The following SLC35F3 variants were observed in gnomAD, a reference collection of about 807,000 sequenced individuals.
SLC35F3 encodes the protein solute carrier family 35 member F3, also known as putative thiamine transporter SLC35F3.
SLC35F3 carries 25 observed loss-of-function variants against 49.9 expected under a neutral mutation model. The ratio of observed to expected loss-of-function variants is 0.50; its 90% confidence interval spans 0.37 to 0.70. The LOEUF (loss-of-function observed/expected upper bound fraction) is 0.70. Among genes scored for constraint, SLC35F3 ranks in the 30% least tolerant of loss-of-function variants. The pLI is 0.00. For missense variants in SLC35F3, 525 were observed against 639.8 expected, an observed-to-expected ratio of 0.82 and a Z score of 1.94; for synonymous variants, 275 against 265.4, an observed-to-expected ratio of 1.04 and a Z score of -0.35.
At chr1:233,996,156 G>GA (rs1328089948) in intron 2 of SLC35F3, among the ~76,000 whole-genome samples, 3 of 151,906 alleles carry the variant, frequency 2.0e-5, no homozygotes, top group South Asian at 2.1e-4. Context: ...AAATATTCAG[G>GA]AAAAAACGGT....
At chr1:234,084,891 G>A (rs1664939022) in intron 2 of SLC35F3, among the ~76,000 whole-genome samples, 1 of 152,140 alleles carries the variant, frequency 6.6e-6, no homozygotes, top group Non-Finnish European at 1.5e-5. Context: ...AGGACTGAGG[G>A]GCCACATTAG....
intron 2 of SLC35F3, among the ~76,000 whole-genome samples, chr1:234,049,447 C>A (rs537620845): frequency 1.5e-4 from 23 of 152,094 alleles, no homozygotes; most frequent in South Asian, 1.5e-3. Context: ...CAACAAGAAG[C>A]CAGCCATTTA....
intron 2 of SLC35F3, among the ~76,000 whole-genome samples, chr1:234,161,083 G>A (rs1004900967): frequency 6.6e-5 from 10 of 152,154 alleles, no homozygotes; most frequent in African/African-American, 2.2e-4. Flanking sequence ...GTGTCACCCT[G>A]CTCTCAGCAC....
chr1:234,213,603 T>C (rs913789696), intron 2 of SLC35F3: 3 of 152,276 alleles, frequency 2.0e-5, no homozygotes, highest in Non-Finnish European at 4.4e-5. Flanking sequence ...AGCTTACAGC[T>C]GTGTCTGAGT....
chr1:233,990,469 A>T (rs1304482218), intron 2 of SLC35F3, among the ~76,000 whole-genome samples: 1 of 152,196 alleles, frequency 6.6e-6, no homozygotes, highest in East Asian at 1.9e-4. Context: ...GGGGGTGGAA[A>T]AAATGGGACG....
At chr1:234,098,254 TTGTG>T (rs202076193) in intron 2 of SLC35F3, among the ~76,000 whole-genome samples, 1 of 136,558 alleles carries the variant, frequency 7.3e-6, no homozygotes, top group Non-Finnish European at 1.6e-5. Context: ...GAGGTGGTGA[TTGTG>T]TGTTGGTGGT....
At chr1:234,322,925 G>C in intron 7 of SLC35F3, 83 bp from the exon 8 acceptor site, 1 of 1,109,622 alleles carries the variant, frequency 9.0e-7, no homozygotes, top group Non-Finnish European at 1.4e-6. Context: ...AGACAGAGGA[G>C]GGTGCCCCCA....
chr1:234,011,047 A>G (rs1663709824), intron 2 of SLC35F3, among the ~76,000 whole-genome samples: 1 of 152,204 alleles, frequency 6.6e-6, no homozygotes, highest in South Asian at 2.1e-4. Context: ...TTAAGTTCCT[A>G]TGGCATATTT....
intron 3 of SLC35F3, among the ~76,000 whole-genome samples, chr1:234,266,744 G>A (rs1320931441): frequency 6.6e-6 from 1 of 152,018 alleles, no homozygotes; most frequent in Non-Finnish European, 1.5e-5. Flanking sequence ...TAACACAATG[G>A]TAAGTATTTT....
chr1:234,101,465 A>G (rs1480098652), intron 2 of SLC35F3, among the ~76,000 whole-genome samples: 7 of 152,218 alleles, frequency 4.6e-5, no homozygotes, highest in Non-Finnish European at 1.0e-4. Context: ...TTATGTCTGT[A>G]GTTCCTCTAC....
chr1:234,005,500 C>T (rs1286460836), intron 2 of SLC35F3, among the ~76,000 whole-genome samples: 1 of 152,140 alleles, frequency 6.6e-6, no homozygotes, highest in African/African-American at 2.4e-5. Context: ...TCCACTAAAG[C>T]AATGGAGGCT....
intron 2 of SLC35F3, among the ~76,000 whole-genome samples, chr1:234,015,992 G>A (rs1663797683): frequency 6.6e-6 from 1 of 152,120 alleles, no homozygotes. Flanking sequence ...CAAAGAACTT[G>A]AATAGACATT....
intron 3 of SLC35F3, among the ~76,000 whole-genome samples, chr1:234,300,250 T>C (rs1224453420): frequency 6.6e-6 from 1 of 152,230 alleles, no homozygotes; most frequent in Non-Finnish European, 1.5e-5. Context: ...TTTTGAATGA[T>C]GGCATGCTGT....
intron 2 of SLC35F3, among the ~76,000 whole-genome samples, chr1:234,119,857 T>TCG (rs147474865): frequency 2.0e-4 from 30 of 152,362 alleles, no homozygotes; most frequent in Non-Finnish European, 3.1e-4. Flanking sequence ...ATTTTCTTTT[T>TCG]CGCACACACA....
chr1:234,268,326 G>A (rs1215859240), intron 3 of SLC35F3, among the ~76,000 whole-genome samples: 6 of 138,260 alleles, frequency 4.3e-5, no homozygotes, highest in Non-Finnish European at 6.2e-5. Flanking sequence ...GTGGCGGCGC[G>A]CGCCTGCAAT....
intron 2 of SLC35F3, among the ~76,000 whole-genome samples, chr1:233,971,441 C>T (rs1462164127): frequency 1.3e-5 from 2 of 152,192 alleles, no homozygotes; most frequent in African/African-American, 4.8e-5. Flanking sequence ...CCCAGCTGGG[C>T]GCGGTGGCTC....
intron 2 of SLC35F3, among the ~76,000 whole-genome samples, chr1:233,995,973 C>G (rs1663452898): frequency 6.6e-6 from 1 of 152,156 alleles, no homozygotes; most frequent in South Asian, 2.1e-4. Context: ...TATCTTTATT[C>G]TGAGTGCCTG....
intron 2 of SLC35F3, among the ~76,000 whole-genome samples, chr1:234,184,299 C>T (rs1220798630): frequency 6.6e-6 from 1 of 152,150 alleles, no homozygotes; most frequent in African/African-American, 2.4e-5. Flanking sequence ...AATATTCAGT[C>T]CCATAGCAAA....
chr1:234,172,893 T>C (rs1666419853), intron 2 of SLC35F3, among the ~76,000 whole-genome samples: 1 of 152,180 alleles, frequency 6.6e-6, no homozygotes, highest in South Asian at 2.1e-4. Flanking sequence ...GTGGCTGTGA[T>C]TTTCATCTCA....
Sources: allele counts gnomAD v4.1 joint callset (sites outside exome capture counted in the v4.1 genomes callset), GRCh38; gene constraint gnomAD v4.1.1; transcripts MANE v1.5; gene names NCBI Gene and HGNC (gene_info 2026-07-23, HGNC 2026-07-21).